The following SPMIP2 variants were observed in gnomAD, a reference collection of about 807,000 sequenced individuals.
SPMIP2 encodes the protein sperm microtubule inner protein 2, also known as protein SPMIP2.
the SPMIP2 span, among the ~76,000 whole-genome samples, chr4:159,067,600 A>C: frequency 6.6e-6 from 1 of 152,216 alleles, no homozygotes; most frequent in Non-Finnish European, 1.5e-5. Context: ...AATTAGAAAA[A>C]GAAGACTTCA....
chr4:159,018,805 A>G, the SPMIP2 span, among the ~76,000 whole-genome samples: 1 of 152,184 alleles, frequency 6.6e-6, no homozygotes, highest in Admixed American at 6.5e-5. Context: ...AGAATAGCAA[A>G]TTAGGCTGGG....
the SPMIP2 span, among the ~76,000 whole-genome samples, chr4:158,966,808 T>C: frequency 6.6e-6 from 1 of 152,196 alleles, no homozygotes; most frequent in African/African-American, 2.4e-5. Context: ...TTCTTTCCTT[T>C]TTTCCCCTAA....
the SPMIP2 span, among the ~76,000 whole-genome samples, chr4:159,014,523 T>TA: frequency 7.3e-5 from 11 of 150,716 alleles, no homozygotes; most frequent in Admixed American, 6.7e-5. Flanking sequence ...ATTTTTTTTT[T>TA]ATTATACTTT....
the SPMIP2 span, among the ~76,000 whole-genome samples, chr4:158,933,597 C>T: frequency 1.3e-3 from 204 of 152,298 alleles, 4 homozygotes; most frequent in East Asian, 0.019. Flanking sequence ...TCTTTTCAGA[C>T]TTTCATATAT....
At chr4:158,952,781 G>T in the SPMIP2 span, among the ~76,000 whole-genome samples, 1 of 152,176 alleles carries the variant, frequency 6.6e-6, no homozygotes, top group Admixed American at 6.5e-5. Flanking sequence ...GTCTCAGATG[G>T]ATATGAGGAA....
the SPMIP2 span, among the ~76,000 whole-genome samples, chr4:159,047,827 A>G: frequency 1.1e-3 from 163 of 152,362 alleles, 1 homozygote; most frequent in East Asian, 6.2e-3. Flanking sequence ...GGCCTGCCCC[A>G]CTACCTGCTC....
the SPMIP2 span, among the ~76,000 whole-genome samples, chr4:159,035,969 T>C: frequency 2.6e-5 from 4 of 152,226 alleles, no homozygotes; most frequent in Non-Finnish European, 2.9e-5. Context: ...TAGGAGTTTA[T>C]GATAAAAGTA....
chr4:159,001,035 T>G, the SPMIP2 span, among the ~76,000 whole-genome samples: 5 of 152,208 alleles, frequency 3.3e-5, no homozygotes, highest in African/African-American at 1.2e-4. Context: ...GTGGAATGGC[T>G]GGATCATATG....
chr4:158,960,514 A>G, the SPMIP2 span, among the ~76,000 whole-genome samples: 1 of 152,162 alleles, frequency 6.6e-6, no homozygotes. Flanking sequence ...ATTCCTGAAC[A>G]GAGAGGAAAA....
At chr4:158,928,801 C>T in the SPMIP2 span, among the ~76,000 whole-genome samples, 1 of 151,976 alleles carries the variant, frequency 6.6e-6, no homozygotes, top group Non-Finnish European at 1.5e-5. Flanking sequence ...CTGAAGCCAG[C>T]GAGACCACGA....
At chr4:158,980,724 A>G in the SPMIP2 span, among the ~76,000 whole-genome samples, 7 of 152,226 alleles carry the variant, frequency 4.6e-5, no homozygotes, top group Non-Finnish European at 8.8e-5. Context: ...TCAAAGAACA[A>G]AGGTAAATAA....
chr4:158,926,721 A>T, the SPMIP2 span, among the ~76,000 whole-genome samples: 5 of 152,094 alleles, frequency 3.3e-5, no homozygotes, highest in South Asian at 2.1e-4. Context: ...TTTCTTGTTG[A>T]TTTTCTGCCT....
the SPMIP2 span, among the ~76,000 whole-genome samples, chr4:158,949,545 T>C: frequency 0.19 from 21,109 of 110,070 alleles, 3,004 homozygotes; most frequent in African/African-American, 0.44. Flanking sequence ...AGTCTGTCTT[T>C]AAAGCCATTG....
chr4:158,975,956 G>A, the SPMIP2 span, among the ~76,000 whole-genome samples: 1 of 152,152 alleles, frequency 6.6e-6, no homozygotes, highest in Non-Finnish European at 1.5e-5. Context: ...CCATTTGCTT[G>A]TGTCCTCTCT....
the SPMIP2 span, among the ~76,000 whole-genome samples, chr4:158,946,766 T>G: frequency 6.6e-6 from 1 of 152,240 alleles, no homozygotes; most frequent in Non-Finnish European, 1.5e-5. Flanking sequence ...GCACCTACTA[T>G]GATTGCAATT....
the SPMIP2 span, among the ~76,000 whole-genome samples, chr4:159,080,889 A>G: frequency 1.3e-5 from 2 of 151,854 alleles, no homozygotes; most frequent in African/African-American, 4.8e-5. Flanking sequence ...ATGCCCGGCT[A>G]ATTTTTTGTA....
chr4:159,075,178 ATGGG>A, the SPMIP2 span, among the ~76,000 whole-genome samples: 36 of 152,168 alleles, frequency 2.4e-4, no homozygotes, highest in Admixed American at 6.5e-5. Context: ...GAGAGTGGAA[ATGGG>A]TGGTGATCTG....
At chr4:159,075,052 T>C in the SPMIP2 span, among the ~76,000 whole-genome samples, 1 of 152,170 alleles carries the variant, frequency 6.6e-6, no homozygotes, top group African/African-American at 2.4e-5. Flanking sequence ...AAACTCTTGC[T>C]GTCCTTCTCT....
the SPMIP2 span, among the ~76,000 whole-genome samples, chr4:158,934,588 A>G: frequency 6.6e-6 from 1 of 152,086 alleles, no homozygotes; most frequent in Non-Finnish European, 1.5e-5. Context: ...TGTTAGCCGT[A>G]TTATTATTAT....
Sources: allele counts gnomAD v4.1 joint callset (sites outside exome capture counted in the v4.1 genomes callset), GRCh38; gene constraint gnomAD v4.1.1; transcripts MANE v1.5; gene names NCBI Gene and HGNC (gene_info 2026-07-23, HGNC 2026-07-21).